The following HMGN5 variants were observed in gnomAD, a reference collection of about 807,000 sequenced individuals.
The protein encoded by HMGN5 is high mobility group nucleosome binding domain 5.
HMGN5 carries 4 observed loss-of-function variants against 9.5 expected under a neutral mutation model. That is an observed-to-expected ratio of 0.42 (90% CI 0.21 to 0.96). The LOEUF (loss-of-function observed/expected upper bound fraction) is 0.96. Ranked by LOEUF, HMGN5 falls within the 40% of genes least tolerant of loss-of-function variation. The pLI is 0.30. For missense variants in HMGN5, 192 were observed against 187.5 expected (o/e 1.02, Z -0.14); for synonymous variants, 55 against 57.1 (o/e 0.96, Z 0.16).
Position 81,113,703 on chromosome X carries a change from GTGATTCCATTTATAA to G in HMGN5, c.*931_*945del. Reference sequence around the variant, plus strand: ...ATACCAAAGGCCACACACATATTATGTGATTCCATTTATAATAAATGTTCAGAATAGGCAAATCCA... The same window carrying G: ...ATACCAAAGGCCACACACATATTATGTAAATGTTCAGAATAGGCAAATCCA... On this transcript the variant is annotated 3_prime_UTR_variant, in exon 7 of 7. Coordinates refer to ENST00000358130, the MANE Select transcript of HMGN5 (RefSeq NM_030763.3). 1 of 113,833 alleles carries G rather than the reference GTGATTCCATTTATAA, an allele frequency of 8.8e-6. No individual in the cohort carries two copies. 9.4% of individuals were successfully genotyped at this position (113,833 alleles called of 1,213,427 possible).
chrX:81,151,325 G>A (rs1442810990), intron 1 of HMGN5, among the ~76,000 whole-genome samples: 2 of 111,553 alleles, frequency 1.8e-5, no homozygotes, highest in East Asian at 5.6e-4. Context: ...TTTTGTACCA[G>A]TACCATGCTG....
chrX:81,150,732 C>A (rs1403561381), intron 1 of HMGN5, among the ~76,000 whole-genome samples: 1 of 110,801 alleles, frequency 9.0e-6, no homozygotes, highest in Non-Finnish European at 1.9e-5. Flanking sequence ...AACCTATGGG[C>A]AGACTAACTG....
intron 1 of HMGN5, among the ~76,000 whole-genome samples, chrX:81,184,502 G>T (rs1282922349): frequency 9.0e-6 from 1 of 111,093 alleles, no homozygotes; most frequent in African/African-American, 3.3e-5. Context: ...AGTAATGCAG[G>T]TGGGTAGTTT....
intron 1 of HMGN5, among the ~76,000 whole-genome samples, chrX:81,193,010 G>C (rs1405859043): frequency 3.6e-5 from 4 of 111,405 alleles, no homozygotes; most frequent in Non-Finnish European, 7.5e-5. Context: ...AGATGAAAAT[G>C]TGGTACTAAC....
intron 1 of HMGN5, among the ~76,000 whole-genome samples, chrX:81,130,320 C>T (rs940995902): frequency 2.9e-4 from 32 of 111,495 alleles, no homozygotes; most frequent in African/African-American, 9.7e-4. Context: ...ATAATAACAG[C>T]TTGCACTTAT....
chrX:81,189,118 C>T (rs1404104041), intron 1 of HMGN5, among the ~76,000 whole-genome samples: 2 of 111,658 alleles, frequency 1.8e-5, no homozygotes, highest in Non-Finnish European at 3.8e-5. Flanking sequence ...TTTTATGTTT[C>T]AAGGATATTT....
At chrX:81,160,388 T>C (rs1440109183) in intron 1 of HMGN5, among the ~76,000 whole-genome samples, 1 of 111,576 alleles carries the variant, frequency 9.0e-6, no homozygotes. Context: ...TTATTTTACT[T>C]TCAGTTCCAG....
chrX:81,142,840 T>C (rs1354126691), intron 1 of HMGN5, among the ~76,000 whole-genome samples: 1 of 111,463 alleles, frequency 9.0e-6, no homozygotes, highest in Non-Finnish European at 1.9e-5. Context: ...TATAACACCA[T>C]AACTGTGGTG....
intron 1 of HMGN5, among the ~76,000 whole-genome samples, chrX:81,185,517 G>A (rs185355869): frequency 1.8e-5 from 2 of 111,626 alleles, no homozygotes; most frequent in East Asian, 5.6e-4. Context: ...CTCTTTGGAG[G>A]AGATTTTAGG....
intron 1 of HMGN5, among the ~76,000 whole-genome samples, chrX:81,133,107 C>G (rs2075302241): frequency 9.0e-6 from 1 of 111,110 alleles, no homozygotes; most frequent in African/African-American, 3.3e-5. Context: ...AAAAAAAGCT[C>G]AACATCACCT....
At chrX:81,118,520 A>G in intron 4 of HMGN5, 35 bp from the exon 5 acceptor site, 1 of 1,086,269 alleles carries the variant, frequency 9.2e-7, no homozygotes, top group Non-Finnish European at 1.3e-6. Context: ...AAGAAAAGGA[A>G]AAAAATCATA....
intron 1 of HMGN5, among the ~76,000 whole-genome samples, chrX:81,172,484 G>A (rs1356391751): frequency 3.7e-5 from 4 of 107,498 alleles, no homozygotes; most frequent in Non-Finnish European, 7.7e-5. Context: ...CCAGAAAAAA[G>A]CAAAGGAAAG....
intron 1 of HMGN5, among the ~76,000 whole-genome samples, chrX:81,134,963 A>C (rs2075307274): frequency 9.0e-6 from 1 of 111,724 alleles, no homozygotes. Context: ...CATACACACA[A>C]AAAATCAACT....
rs148090852 is a variant in HMGN5, at chrX:81,177,367, C to CAAAAA, written c.-124+24365_-124+24369dup. Among the ~76,000 whole-genome samples the CAAAAA allele has an allele frequency of 5.1e-3, 55 of 10,682 alleles. 6 individuals carry two copies. The highest frequency in any genetic ancestry group is 5.7e-3 in the Non-Finnish European group (34 of 5,931). 9.3% of individuals were successfully genotyped at this position (10,682 alleles called of 115,157 possible). A position where few individuals can be genotyped will look rare whatever the true frequency, so the allele number is the denominator to read the frequency against. On this transcript the variant is annotated intron_variant, in intron 1 of 6. Transcript: ENST00000358130. ...GAAGATCTACCAAGCAAATGGAAAG[C>CAAAAA]AAAAAAAAAAAAAAAAAAAAAAAAA...
intron 3 of HMGN5, among the ~76,000 whole-genome samples, chrX:81,119,416 G>T (rs1460157947): frequency 9.0e-6 from 1 of 111,483 alleles, no homozygotes; most frequent in Non-Finnish European, 1.9e-5. Flanking sequence ...TCACATATGT[G>T]AACAGTCATT....
chrX:81,187,383 G>A (rs190180422), intron 1 of HMGN5, among the ~76,000 whole-genome samples: 9 of 111,659 alleles, frequency 8.1e-5, no homozygotes, highest in Admixed American at 7.6e-4. Context: ...GTATTCCAGT[G>A]TTGGGTGCAT....
chrX:81,193,016 CT>C (rs1281606806), intron 1 of HMGN5, among the ~76,000 whole-genome samples: 1 of 111,488 alleles, frequency 9.0e-6, no homozygotes, highest in African/African-American at 3.3e-5. Flanking sequence ...AAATGTGGTA[CT>C]AACAATGAGG....
chrX:81,178,865 G>C (rs1323488820), intron 1 of HMGN5, among the ~76,000 whole-genome samples: 1 of 111,716 alleles, frequency 9.0e-6, no homozygotes, highest in Non-Finnish European at 1.9e-5. Context: ...AATCAGGACT[G>C]CTTCATCCCT....
intron 1 of HMGN5, among the ~76,000 whole-genome samples, chrX:81,182,029 C>A (rs1432192675): frequency 9.0e-6 from 1 of 111,444 alleles, no homozygotes; most frequent in Non-Finnish European, 1.9e-5. Context: ...CCAAACTGTT[C>A]TTTATAGTGG....
Sources: gnomAD v4.1 joint callset for allele counts (sites outside exome capture counted in the v4.1 genomes callset) on GRCh38, gnomAD v4.1.1 for gene constraint, MANE v1.5 for transcripts, NCBI Gene and HGNC (gene_info 2026-07-23, HGNC 2026-07-21) for gene names.